NCOA2: variants seen among roughly 807,000 people sequenced by gnomAD.
The protein encoded by NCOA2 is nuclear receptor coactivator 2.
NCOA2 carries 21 observed loss-of-function variants against 145.1 expected under a neutral mutation model. That is an observed-to-expected ratio of 0.14 (90% CI 0.10 to 0.21). NCOA2 has a LOEUF of 0.21. Among genes scored for constraint, NCOA2 ranks in the 10% least tolerant of loss-of-function variants. The pLI, the probability that NCOA2 is intolerant of heterozygous loss-of-function variation, is 1.00. For synonymous variants in NCOA2, 619 were observed against 637.5 expected (o/e 0.97, Z 0.44); for missense variants, 1,472 against 1,837.6 (o/e 0.80, Z 3.64).
At chr8:70,343,258 G>C (rs1808307935) in intron 1 of NCOA2, among the ~76,000 whole-genome samples, 1 of 152,044 alleles carries the variant, frequency 6.6e-6, no homozygotes, top group Non-Finnish European at 1.5e-5. Context: ...TTCTACTTAT[G>C]CCTTTTCAGG....
rs577834877 is a variant in NCOA2 at position 70,190,662 on chromosome 8, G to A, written c.260-15803C>T. Among the ~76,000 whole-genome samples the A allele has an allele frequency of 2.6e-5, 4 of 152,270 alleles. No homozygotes were observed. The South Asian group carries it at 8.3e-4, about 32-fold the overall frequency. Reference sequence around the variant, plus strand: ...AGGTCAGGAGTTCGAGACCAGCCTGGCCAACATGGCAAAACCCTGTCTCTA... The same window carrying A: ...AGGTCAGGAGTTCGAGACCAGCCTGACCAACATGGCAAAACCCTGTCTCTA... On this transcript the variant is annotated intron_variant, in intron 4 of 22. Coordinates refer to ENST00000452400, the MANE Select transcript of NCOA2 (RefSeq NM_006540.4).
At chr8:70,280,911 A>G (rs996203677) in intron 2 of NCOA2, among the ~76,000 whole-genome samples, 1 of 151,938 alleles carries the variant, frequency 6.6e-6, no homozygotes, top group Non-Finnish European at 1.5e-5. Flanking sequence ...ATGGGAGGCC[A>G]GTGTGAGCTC....
chr8:70,177,322 C>G (rs1319769286), intron 4 of NCOA2, among the ~76,000 whole-genome samples: 1 of 152,170 alleles, frequency 6.6e-6, no homozygotes, highest in East Asian at 1.9e-4. Context: ...GTGTGACACA[C>G]AGTCCACAAA....
At chr8:70,345,808 T>C (rs1808568104) in intron 1 of NCOA2, among the ~76,000 whole-genome samples, 1 of 152,154 alleles carries the variant, frequency 6.6e-6, no homozygotes, top group South Asian at 2.1e-4. Context: ...GAAAACATGA[T>C]TTAAGTTCAG....
At position 70,166,580 on chromosome 8, in the gene NCOA2, T is replaced by C. The variant is rs1475880656; in HGVS notation, c.716A>G (p.Lys239Arg). ...CFAVSQPKSI[K>R]EEGEDLQSCL... ...TTCTGTCCCACCTTCTCCTTCTTCT[T>C]TGATGGACTTTGGTTGAGAGACAGC... Residue 239 changes from lysine (K) to arginine (R), a missense_variant, in exon 7 of 23, where the codon AAA (lysine) becomes AGA (arginine). Physicochemically the swap from Lys to Arg is conservative, Grantham distance 26. Coordinates refer to ENST00000452400, the MANE Select transcript of NCOA2 (RefSeq NM_006540.4). The C allele has an allele frequency of 6.2e-7, 1 of 1,614,016 alleles. No homozygotes were observed. Among genetic ancestry groups the C allele is most frequent in the South Asian group, 1.1e-5 (1 of 91,086 alleles).
intron 2 of NCOA2, among the ~76,000 whole-genome samples, chr8:70,242,379 T>C (rs1277549119): frequency 6.6e-6 from 1 of 152,128 alleles, no homozygotes; most frequent in Non-Finnish European, 1.5e-5. Context: ...AAATGTATGT[T>C]TATGTTGTAC....
chr8:70,376,621 G>A (rs963044255), intron 1 of NCOA2, among the ~76,000 whole-genome samples: 1 of 151,904 alleles, frequency 6.6e-6, no homozygotes, highest in Non-Finnish European at 1.5e-5. Context: ...AGATAAATAA[G>A]TGCAAATGCA....
chr8:70,332,584 G>A (rs11777095), intron 1 of NCOA2, among the ~76,000 whole-genome samples: 15,992 of 152,138 alleles, frequency 0.11, 1,286 homozygotes, highest in East Asian at 0.41. Context: ...GTGGCAAGTG[G>A]AGCCTTTTTT....
chr8:70,403,850 T>G (rs1233499423), upstream of NCOA2: 11 of 301,002 alleles, frequency 3.7e-5, no homozygotes, highest in Non-Finnish European at 5.5e-5. Flanking sequence ...CCCAACTCCC[T>G]CCTCCTCCTC....
chr8:70,369,908 A>G (rs1811058854), intron 1 of NCOA2, among the ~76,000 whole-genome samples: 1 of 151,498 alleles, frequency 6.6e-6, no homozygotes, highest in Non-Finnish European at 1.5e-5. Context: ...TAAACTGAGT[A>G]TTTTATTTTT....
At chr8:70,367,593 A>C (rs1480871497) in intron 1 of NCOA2, among the ~76,000 whole-genome samples, 3 of 152,188 alleles carry the variant, frequency 2.0e-5, no homozygotes, top group Non-Finnish European at 4.4e-5. Context: ...TCACAGGTCC[A>C]AACAGTTTCA....
At chr8:70,258,703 C>G (rs1230272870) in intron 2 of NCOA2, among the ~76,000 whole-genome samples, 2 of 152,260 alleles carry the variant, frequency 1.3e-5, no homozygotes, top group Non-Finnish European at 2.9e-5. Context: ...CTTCTCATGC[C>G]AGGTCTCTCC....
At position 70,241,537 on chromosome 8, in the gene NCOA2, T is replaced by C. The variant is rs560236774; in HGVS notation, c.-19-24773A>G. Among the ~76,000 whole-genome samples the C allele has an allele frequency of 2.6e-5, 4 of 152,266 alleles. No individual in the cohort carries two copies. In the East Asian group the frequency reaches 7.7e-4, roughly 29 times the overall value. ...AGTACAAACATTAAAAAACAAAAAA[T>C]CACTTCAACTGTAATAGTTCCCTCC... On this transcript the variant is annotated intron_variant, in intron 2 of 22. Transcript: ENST00000452400.
In NCOA2 at chr8:70,113,416, G is replaced by T; in HGVS notation, c.*216C>A. Reference sequence around the variant, plus strand: ...AATGCAGTGAACAGACTGAGCGACTGTCTGGATGCGAGCTTCAGACTGTCA... The same window carrying T: ...AATGCAGTGAACAGACTGAGCGACTTTCTGGATGCGAGCTTCAGACTGTCA... On this transcript the variant is annotated 3_prime_UTR_variant, in exon 23 of 23. Coordinates refer to ENST00000452400, the MANE Select transcript of NCOA2 (RefSeq NM_006540.4). The T allele has an allele frequency of 1.7e-6, 1 of 600,168 alleles. No homozygotes were observed. The highest frequency in any genetic ancestry group is 3.0e-6 in the Non-Finnish European group (1 of 335,932). The allele number at this position is 600,168 out of a possible 1,614,324, so 37.2% of individuals were successfully genotyped here.
intron 1 of NCOA2, among the ~76,000 whole-genome samples, chr8:70,369,811 T>G (rs141322784): frequency 3.3e-5 from 5 of 152,242 alleles, no homozygotes; most frequent in African/African-American, 1.2e-4. Flanking sequence ...TTATACCTTC[T>G]GTGCTTGCCT....
the NCOA2 span, among the ~76,000 whole-genome samples, chr8:70,427,466 T>C: frequency 1.5e-5 from 2 of 137,674 alleles, no homozygotes; most frequent in East Asian, 4.5e-4. Flanking sequence ...CATCTCTATT[T>C]AAAAGCAGTT....
At chr8:70,218,618 T>C (rs1356882494) in intron 2 of NCOA2, among the ~76,000 whole-genome samples, 1 of 152,152 alleles carries the variant, frequency 6.6e-6, no homozygotes, top group African/African-American at 2.4e-5. Context: ...TCCAGAACCC[T>C]TCTCAGATGA....
chr8:70,224,393 T>G (rs1019711692), intron 2 of NCOA2, among the ~76,000 whole-genome samples: 1 of 152,208 alleles, frequency 6.6e-6, no homozygotes, highest in Non-Finnish European at 1.5e-5. Context: ...TACTACACCT[T>G]AATAATTTCC....
At chr8:70,153,844 C>A (rs931740855) in intron 11 of NCOA2, among the ~76,000 whole-genome samples, 1 of 152,218 alleles carries the variant, frequency 6.6e-6, no homozygotes, top group African/African-American at 2.4e-5. Flanking sequence ...TAGAACCTTG[C>A]ACTAATATCT....
Sources: gnomAD v4.1 joint callset for allele counts (sites outside exome capture counted in the v4.1 genomes callset) on GRCh38, gnomAD v4.1.1 for gene constraint, MANE v1.5 for transcripts, NCBI Gene and HGNC (gene_info 2026-07-23, HGNC 2026-07-21) for gene names.